PSMA1: variants seen among roughly 807,000 people sequenced by gnomAD.
PSMA1 encodes proteasome 20S subunit alpha 1, also known as proteasome subunit alpha type-1.
A neutral mutation model predicts 38.4 loss-of-function variants in PSMA1; 3 were observed. The ratio of observed to expected loss-of-function variants is 0.08; its 90% CI spans 0.04 to 0.20. The LOEUF is 0.20. PSMA1 is among the 10% of genes least tolerant of loss of function. The pLI is 1.00. For synonymous variants in PSMA1, 101 were observed against 107.1 expected (o/e 0.94, Z 0.35); for missense variants, 227 against 325.3 (o/e 0.70, Z 2.32).
chr11:14,566,136 T>C (rs552198873), intron 2 of PSMA1, among the ~76,000 whole-genome samples: 2 of 152,330 alleles, frequency 1.3e-5, no homozygotes, highest in Non-Finnish European at 2.9e-5. Context: ...GCTAGGGCTT[T>C]GGCTTTTACT....
intron 1 of PSMA1, among the ~76,000 whole-genome samples, chr11:14,630,583 AT>A (rs1166641158): frequency 1.3e-5 from 2 of 151,254 alleles, no homozygotes; most frequent in African/African-American, 2.4e-5. Flanking sequence ...TTTATTGAGG[AT>A]TTTTGCATCA....
At chr11:14,515,652 C>T (rs1344742186) in intron 4 of PSMA1, among the ~76,000 whole-genome samples, 3 of 151,404 alleles carry the variant, frequency 2.0e-5, no homozygotes, top group East Asian at 4.0e-4. Flanking sequence ...CTCCTGGGTT[C>T]AAGCGATTCT....
chr11:14,542,850 GA>G (rs560929360), intron 2 of PSMA1, among the ~76,000 whole-genome samples: 35 of 152,198 alleles, frequency 2.3e-4, no homozygotes, highest in Non-Finnish European at 4.3e-4. Flanking sequence ...TTCCTTCTCA[GA>G]ATGATTTTTT....
rs534834639 is a variant in PSMA1 at position 14,511,109 on chromosome 11, A to G, written c.545-158T>C. ...TTAATGCTAGTCATATAATCTTTTA[A>G]TAGCATTCTATGACATTGCTGATTC... is the stretch of plus-strand genomic sequence containing the variant. On this transcript the variant is annotated intron_variant, in intron 7 of 9. Transcript: ENST00000396394. The G allele has an allele frequency of 1.1e-4, 46 of 437,490 alleles. 2 individuals are homozygous for G. In the South Asian group the frequency reaches 2.1e-3, roughly 20 times the overall value. The allele number at this position is 437,490 out of a possible 1,614,324, so 27.1% of individuals were successfully genotyped here.
At chr11:14,634,499 G>T (rs11600307) in intron 1 of PSMA1, among the ~76,000 whole-genome samples, 1 of 151,862 alleles carries the variant, frequency 6.6e-6, no homozygotes, top group African/African-American at 2.4e-5. Context: ...GTAAAATTTA[G>T]GCTTTTTTTT....
At chr11:14,592,395 T>TATATA (rs1554971761) in intron 2 of PSMA1, among the ~76,000 whole-genome samples, 21 of 132,528 alleles carry the variant, frequency 1.6e-4, no homozygotes, top group Admixed American at 2.2e-4. Context: ...TATATATATA[T>TATATA]TTTTTTTTTA....
At chr11:14,507,789 A>C (rs1851271004) in intron 8 of PSMA1, 23 bp from the exon 9 acceptor site, 2 of 1,431,708 alleles carry the variant, frequency 1.4e-6, no homozygotes, top group African/African-American at 2.9e-5. Flanking sequence ...ATATGGTAAA[A>C]GTAAAATAAG....
chr11:14,612,783 T>C (rs1852725406), intron 1 of PSMA1, among the ~76,000 whole-genome samples: 1 of 152,180 alleles, frequency 6.6e-6, no homozygotes, highest in Non-Finnish European at 1.5e-5. Flanking sequence ...AGAGATCATA[T>C]GATCTGTGGG....
At chr11:14,621,838 A>G (rs927717650) in intron 1 of PSMA1, among the ~76,000 whole-genome samples, 1 of 152,178 alleles carries the variant, frequency 6.6e-6, no homozygotes, top group Non-Finnish European at 1.5e-5. Flanking sequence ...TCTCTCTATC[A>G]TATCTGATGG....
At chr11:14,622,668 C>G (rs1183942256) in intron 1 of PSMA1, among the ~76,000 whole-genome samples, 1 of 152,192 alleles carries the variant, frequency 6.6e-6, no homozygotes, top group Non-Finnish European at 1.5e-5. Flanking sequence ...TGGTAGGCCT[C>G]TTTGGGTTCT....
intron 2 of PSMA1, among the ~76,000 whole-genome samples, chr11:14,536,283 T>C (rs888280342): frequency 6.6e-6 from 1 of 152,206 alleles, no homozygotes; most frequent in African/African-American, 2.4e-5. Context: ...TCCCAGCACT[T>C]TGGGAGGCCG....
At chr11:14,527,640 G>A (rs995175964) in intron 2 of PSMA1, among the ~76,000 whole-genome samples, 5 of 152,168 alleles carry the variant, frequency 3.3e-5, no homozygotes, top group Admixed American at 1.3e-4. Flanking sequence ...CTCGAGTCAG[G>A]AAACTAAAAT....
intron 2 of PSMA1, among the ~76,000 whole-genome samples, chr11:14,563,377 C>A (rs540508879): frequency 2.6e-5 from 4 of 152,274 alleles, no homozygotes; most frequent in African/African-American, 9.6e-5. Flanking sequence ...TACCATTTTC[C>A]TCTACGAATA....
chr11:14,576,223 G>A (rs1184565786), intron 2 of PSMA1, among the ~76,000 whole-genome samples: 1 of 152,076 alleles, frequency 6.6e-6, no homozygotes, highest in Non-Finnish European at 1.5e-5. Flanking sequence ...CTCCCATTCT[G>A]TAGGTTGCCT....
intron 2 of PSMA1, among the ~76,000 whole-genome samples, chr11:14,540,123 T>C (rs1301130857): frequency 6.6e-6 from 1 of 152,196 alleles, no homozygotes; most frequent in Non-Finnish European, 1.5e-5. Context: ...CTTGACCCTC[T>C]CTACCCACCC....
chr11:14,560,023 G>A (rs963590064), intron 2 of PSMA1, among the ~76,000 whole-genome samples: 3 of 152,146 alleles, frequency 2.0e-5, no homozygotes, highest in Non-Finnish European at 4.4e-5. Context: ...CTTAATACCT[G>A]GGCATGGACT....
chr11:14,519,967 T>A (rs1264720863), intron 1 of PSMA1: 1 of 349,422 alleles, frequency 2.9e-6, no homozygotes, highest in Non-Finnish European at 5.2e-6. Context: ...TGTCTTCTCC[T>A]CTCCCATACA....
At chr11:14,575,176 G>A (rs1324365887) in intron 2 of PSMA1, among the ~76,000 whole-genome samples, 3 of 152,092 alleles carry the variant, frequency 2.0e-5, no homozygotes, top group Non-Finnish European at 4.4e-5. Context: ...CTGCCCTAGA[G>A]ATCTGTGGAA....
At chr11:14,565,022 T>C (rs1010578966) in intron 2 of PSMA1, among the ~76,000 whole-genome samples, 3 of 152,242 alleles carry the variant, frequency 2.0e-5, no homozygotes, top group East Asian at 3.9e-4. Flanking sequence ...CAAGTAATCC[T>C]CCTGCCTCAG....
Sources: gnomAD v4.1 joint callset for allele counts (sites outside exome capture counted in the v4.1 genomes callset) on GRCh38, gnomAD v4.1.1 for gene constraint, MANE v1.5 for transcripts, NCBI Gene and HGNC (gene_info 2026-07-23, HGNC 2026-07-21) for gene names.